Variants in PDZRN4 observed in about 807,000 individuals in gnomAD.
PDZRN4 encodes PDZ domain-containing RING finger protein 4.
PDZRN4 carries 70 observed loss-of-function variants against 99.0 expected under a neutral mutation model. That is an observed-to-expected ratio of 0.71 (90% CI 0.58 to 0.86). The LOEUF (loss-of-function observed/expected upper bound fraction) is 0.86. Among genes scored for constraint, PDZRN4 ranks in the 40% least tolerant of loss-of-function variants. PDZRN4 has a pLI of 0.00. For missense variants in PDZRN4, 1,474 were observed against 1,331.2 expected (o/e 1.11, Z -1.67); for synonymous variants, 551 against 501.6 (o/e 1.10, Z -1.32).
chr12:41,530,152 G>A (rs1007097394), intron 5 of PDZRN4, among the ~76,000 whole-genome samples: 5 of 152,158 alleles, frequency 3.3e-5, no homozygotes, highest in African/African-American at 1.2e-4. Flanking sequence ...ATATCAACTT[G>A]CCTTTGAACA....
chr12:41,200,226 TG>T (rs1259473131), intron 3 of PDZRN4, among the ~76,000 whole-genome samples: 1 of 152,156 alleles, frequency 6.6e-6, no homozygotes, highest in Non-Finnish European at 1.5e-5. Context: ...AACTGGATTT[TG>T]GCCCTGACTT....
intron 3 of PDZRN4, among the ~76,000 whole-genome samples, chr12:41,271,300 T>A (rs1343066827): frequency 6.6e-6 from 1 of 152,100 alleles, no homozygotes; most frequent in Admixed American, 6.6e-5. Flanking sequence ...CTCATTACAC[T>A]TAGCTACTTT....
intron 3 of PDZRN4, among the ~76,000 whole-genome samples, chr12:41,194,472 C>CA (rs36101449): frequency 6.6e-6 from 1 of 151,892 alleles, no homozygotes; most frequent in South Asian, 2.1e-4. Context: ...TCATCTCTAC[C>CA]AAAAAACAAA....
chr12:41,386,320 C>G (rs1475476501), intron 3 of PDZRN4, among the ~76,000 whole-genome samples: 1 of 152,176 alleles, frequency 6.6e-6, no homozygotes, highest in Admixed American at 6.5e-5. Context: ...CTAGGGCAAT[C>G]AGGCAAGAGA....
intron 3 of PDZRN4, chr12:41,412,549 T>C (rs1375075978): frequency 6.6e-6 from 1 of 152,160 alleles, no homozygotes; most frequent in Non-Finnish European, 1.5e-5. Context: ...GTTGCAAAGA[T>C]GTATAGATAA....
intron 3 of PDZRN4, among the ~76,000 whole-genome samples, chr12:41,473,875 A>G (rs1953016839): frequency 6.6e-6 from 1 of 152,216 alleles, no homozygotes; most frequent in African/African-American, 2.4e-5. Flanking sequence ...AATACTTAGT[A>G]TTGTAATTTT....
intron 3 of PDZRN4, among the ~76,000 whole-genome samples, chr12:41,470,342 T>C (rs772325078): frequency 2.4e-4 from 37 of 152,322 alleles, no homozygotes; most frequent in Middle Eastern, 3.4e-3. Flanking sequence ...TGGTATTGGA[T>C]ACTCTTTTGT....
intron 6 of PDZRN4, among the ~76,000 whole-genome samples, chr12:41,554,210 T>C (rs1045168494): frequency 6.6e-5 from 10 of 152,108 alleles, no homozygotes; most frequent in African/African-American, 2.4e-4. Context: ...GATAGGAAGG[T>C]AGAAGTTTAA....
intron 7 of PDZRN4, among the ~76,000 whole-genome samples, chr12:41,559,224 G>A (rs544910849): frequency 3.4e-4 from 52 of 151,902 alleles, no homozygotes; most frequent in African/African-American, 1.2e-3. Flanking sequence ...CACACAAAGG[G>A]GATTGTTATA....
At chr12:41,199,173 T>C (rs1412448829) in intron 3 of PDZRN4, among the ~76,000 whole-genome samples, 1 of 152,180 alleles carries the variant, frequency 6.6e-6, no homozygotes, top group African/African-American at 2.4e-5. Flanking sequence ...TTTTGATGCA[T>C]AAGAAGCATT....
chr12:41,394,778 TGAGAGA>T (rs112076468), intron 3 of PDZRN4, among the ~76,000 whole-genome samples: 2 of 146,838 alleles, frequency 1.4e-5, no homozygotes, highest in South Asian at 2.2e-4. Flanking sequence ...TTAGAGTAAA[TGAGAGA>T]GAGAGAGAGA....
chr12:41,292,209 G>A (rs1221374997), intron 3 of PDZRN4, among the ~76,000 whole-genome samples: 1 of 152,174 alleles, frequency 6.6e-6, no homozygotes, highest in East Asian at 1.9e-4. Context: ...AGGAAAATGG[G>A]AAGAACAACA....
intron 3 of PDZRN4, among the ~76,000 whole-genome samples, chr12:41,423,433 ATGG>A (rs1952508388): frequency 1.3e-5 from 2 of 152,014 alleles, no homozygotes; most frequent in African/African-American, 2.4e-5. Flanking sequence ...TCTGAGAATG[ATGG>A]TTTCCAGCTC....
chr12:41,440,832 AC>A (rs1826740030), intron 3 of PDZRN4, among the ~76,000 whole-genome samples: 3 of 152,148 alleles, frequency 2.0e-5, no homozygotes, highest in Admixed American at 6.5e-5. Context: ...TTATTTATTA[AC>A]CTCTTATGAA....
chr12:41,502,411 T>C lies in PDZRN4; in HGVS notation c.844-4045T>C, dbSNP rs1489722604. 2.0e-5 allele frequency among the ~76,000 whole-genome samples: 3 copies of C among 152,310 alleles called. No homozygotes were observed. The South Asian group carries it at 6.2e-4, about 32-fold the overall frequency. ...TTGGAAAAAGGCTCTTTTCCTATGG[T>C]ATGCTTAAATCAAATTGCTCTTTCT... On this transcript the variant is annotated intron_variant, in intron 3 of 9. Coordinates refer to ENST00000402685, the MANE Select transcript of PDZRN4 (RefSeq NM_001164595.2).
At position 41,188,700 on chromosome 12, in the gene PDZRN4, A is replaced by G; in HGVS notation, c.245A>G (p.Asp82Gly). 1 of 1,555,948 alleles carries G rather than the reference A, an allele frequency of 6.4e-7. No individual in the cohort carries two copies. The highest frequency in any genetic ancestry group is 2.4e-5 in the East Asian group (1 of 41,544). ...SLIQKLRVQCDYRARGCGHSV... is the reference protein window; with the variant it reads ...SLIQKLRVQCGYRARGCGHSV... The stretch of plus-strand genomic sequence containing the variant: ...ATCCAGAAGCTGCGAGTCCAGTGCG[A>G]CTACCGCGCCCGCGGCTGCGGCCAC... Residue 82 changes from aspartate (D) to glycine (G), a missense_variant, in exon 1 of 10, where the codon GAC (aspartate) becomes GGC (glycine). By Grantham distance (94) the Asp-to-Gly change is moderately conservative (BLOSUM62 -1). Coordinates refer to ENST00000402685, the MANE Select transcript of PDZRN4 (RefSeq NM_001164595.2).
chr12:41,302,140 A>G (rs1341611704), intron 3 of PDZRN4, among the ~76,000 whole-genome samples: 1 of 152,086 alleles, frequency 6.6e-6, no homozygotes, highest in Non-Finnish European at 1.5e-5. Context: ...GTGTATATAG[A>G]TGTTTATATG....
At chr12:41,340,787 T>C (rs917231320) in intron 3 of PDZRN4, among the ~76,000 whole-genome samples, 32 of 151,956 alleles carry the variant, frequency 2.1e-4, no homozygotes, top group African/African-American at 7.5e-4. Context: ...AATTCTTCCA[T>C]AGATTTAAAG....
At chr12:41,482,944 TA>T (rs1937700787) in intron 3 of PDZRN4, among the ~76,000 whole-genome samples, 1 of 152,034 alleles carries the variant, frequency 6.6e-6, no homozygotes, top group Non-Finnish European at 1.5e-5. Context: ...ACATTTTTAA[TA>T]TTATGCAATT....
Sources: gnomAD v4.1 joint callset for allele counts (sites outside exome capture counted in the v4.1 genomes callset) on GRCh38, gnomAD v4.1.1 for gene constraint, MANE v1.5 for transcripts, NCBI Gene and HGNC (gene_info 2026-07-23, HGNC 2026-07-21) for gene names.